Variants in CADPS observed in about 807,000 individuals in gnomAD.
CADPS encodes calcium-dependent secretion activator 1.
In CADPS, 57 loss-of-function variants were observed where a neutral mutation model predicts 167.3. That is an observed-to-expected ratio of 0.34 (90% CI 0.28 to 0.42). CADPS has a LOEUF of 0.42. Ranked by LOEUF, CADPS falls within the 20% of genes least tolerant of loss-of-function variation. CADPS has a pLI of 1.00. For synonymous variants in CADPS, 676 were observed against 635.3 expected (o/e 1.06, Z -0.96); for missense variants, 1,414 against 1,738.1 (o/e 0.81, Z 3.32).
rs1578251730 is a variant in CADPS at position 62,585,428 on chromosome 3, A to C, written c.1438-104T>G. 6 of 1,173,778 alleles carry C rather than the reference A, an allele frequency of 5.1e-6. No homozygotes were observed. The Admixed American group carries it at 1.5e-4, about 30-fold the overall frequency. The allele number at this position is 1,173,778 out of a possible 1,614,324, so 72.7% of individuals were successfully genotyped here. A position where few individuals can be genotyped will look rare whatever the true frequency, so the allele number is the denominator to read the frequency against. On this transcript the variant is annotated intron_variant, in intron 7 of 29. Coordinates refer to ENST00000383710, the MANE Select transcript of CADPS (RefSeq NM_003716.4). Reference sequence around the variant, plus strand: ...TAGTGGAGTGACTTGAACAATTCCCACTGTGGAGCAGCCATACCTGGGGAT... The same window carrying C: ...TAGTGGAGTGACTTGAACAATTCCCCCTGTGGAGCAGCCATACCTGGGGAT...
chr3:62,841,590 G>A (rs1477246908), intron 1 of CADPS, among the ~76,000 whole-genome samples: 1 of 152,174 alleles, frequency 6.6e-6, no homozygotes, highest in Non-Finnish European at 1.5e-5. Flanking sequence ...GGTGGCATGT[G>A]CCTGTAGTCC....
chr3:62,768,429 T>TTAAG (rs201163905), intron 1 of CADPS, among the ~76,000 whole-genome samples: 3,475 of 152,222 alleles, frequency 0.023, 63 homozygotes, highest in South Asian at 0.06. Flanking sequence ...TCTTAAATGA[T>TTAAG]TAATTGAAAT....
chr3:62,604,991 C>A (rs1289115283), intron 6 of CADPS, among the ~76,000 whole-genome samples: 1 of 152,172 alleles, frequency 6.6e-6, no homozygotes, highest in Non-Finnish European at 1.5e-5. Flanking sequence ...ACTTTTGTAA[C>A]CTGAGCTGTT....
intron 26 of CADPS, among the ~76,000 whole-genome samples, chr3:62,457,068 C>T (rs919258934): frequency 6.6e-6 from 1 of 152,158 alleles, no homozygotes; most frequent in Non-Finnish European, 1.5e-5. Context: ...CTCTACCACT[C>T]TTAGTTCAGC....
intron 17 of CADPS, among the ~76,000 whole-genome samples, chr3:62,511,889 C>T (rs11718515): frequency 6.6e-6 from 1 of 152,096 alleles, no homozygotes; most frequent in Non-Finnish European, 1.5e-5. Context: ...AACCATTTGT[C>T]TAATAAATGA....
At chr3:62,687,160 C>A (rs1193931216) in intron 3 of CADPS, among the ~76,000 whole-genome samples, 1 of 152,134 alleles carries the variant, frequency 6.6e-6, no homozygotes, top group East Asian at 1.9e-4. Flanking sequence ...TTGCTTAGAT[C>A]AGGGTTGAGG....
intron 5 of CADPS, among the ~76,000 whole-genome samples, chr3:62,649,543 CTTTTTTTTTTTTTTTT>C (rs369874258): frequency 1.0e-3 from 39 of 37,802 alleles, no homozygotes; most frequent in Admixed American, 7.8e-3. Context: ...AATATGTGGT[CTTTTTTTTTTTTTTTT>C]TTTTTTTTTT....
chr3:62,417,851 A>AC (rs140013352), intron 28 of CADPS, among the ~76,000 whole-genome samples: 32,657 of 151,702 alleles, frequency 0.22, 3,901 homozygotes, highest in Admixed American at 0.3. Flanking sequence ...AAACAAACAA[A>AC]AAAAAACCTA....
intron 1 of CADPS, among the ~76,000 whole-genome samples, chr3:62,853,518 G>A (rs1313157613): frequency 2.0e-5 from 3 of 151,824 alleles, no homozygotes; most frequent in Non-Finnish European, 4.4e-5. Flanking sequence ...CCAGCTACTC[G>A]GGAGGCTGAG....
intron 1 of CADPS, among the ~76,000 whole-genome samples, chr3:62,823,925 G>C: frequency 6.6e-6 from 1 of 152,062 alleles, no homozygotes; most frequent in East Asian, 1.9e-4. Context: ...GACAGCCTAA[G>C]TTAACACGGC....
At chr3:62,480,532 G>T (rs2061872563) in intron 22 of CADPS, among the ~76,000 whole-genome samples, 1 of 152,126 alleles carries the variant, frequency 6.6e-6, no homozygotes, top group Non-Finnish European at 1.5e-5. Context: ...GAAATATCAG[G>T]CAGCTTTGGA....
chr3:62,403,160 A>G lies in CADPS; in HGVS notation c.3803T>C (p.Val1268Ala). The change falls in exon 29 of 30, where the codon GTG (valine) becomes GCG (alanine). Residue 1268 changes from valine to alanine, a missense_variant. Val to Ala is a moderately conservative substitution (Grantham distance 64). Coordinates refer to ENST00000383710, the MANE Select transcript of CADPS (RefSeq NM_003716.4). ...CCGGTCCGTCAACCAGGTGCAGATCACGTTCATGGAGCTGTTGTACCATTG... is the reference window on the plus strand; with the variant it reads ...CCGGTCCGTCAACCAGGTGCAGATCGCGTTCATGGAGCTGTTGTACCATTG... ...FDQWYNSSMNVICTWLTDRMD... is the reference protein window; with the variant it reads ...FDQWYNSSMNAICTWLTDRMD... The G allele has an allele frequency of 6.2e-7, 1 of 1,613,338 alleles. No individual in the cohort carries two copies. The highest frequency in any genetic ancestry group is 1.1e-5 in the South Asian group (1 of 91,028).
At chr3:62,515,982 T>C (rs1426411135) in intron 16 of CADPS, 77 bp downstream of exon 16, 2 of 1,572,846 alleles carry the variant, frequency 1.3e-6, no homozygotes, top group South Asian at 1.1e-5. Context: ...TCAGGTGCCC[T>C]TGAGAAAAGA....
chr3:62,725,368 G>C (rs2076551388), intron 3 of CADPS, among the ~76,000 whole-genome samples: 1 of 152,174 alleles, frequency 6.6e-6, no homozygotes, highest in Non-Finnish European at 1.5e-5. Flanking sequence ...GACAGTGCAG[G>C]TTTAGACATT....
In CADPS at chr3:62,433,499, C is replaced by T. The variant is rs1294271844; in HGVS notation, c.3777+4605G>A. 2.0e-5 allele frequency among the ~76,000 whole-genome samples: 3 copies of T among 152,236 alleles called. No homozygotes were observed. Among genetic ancestry groups the T allele is most frequent in the African/African-American group, 4.8e-5 (2 of 41,556 alleles). ...AGAGTCAATCTGCAAATACTTAATC[C>T]TCCAGAAGGCAGATTAAGTGTATAA... On this transcript the variant is annotated intron_variant, in intron 28 of 29. Coordinates refer to ENST00000383710, the MANE Select transcript of CADPS (RefSeq NM_003716.4). This position sits in a 1 kb window ranked among gnomAD's most constrained non-coding sequence, Gnocchi z 4.7.
At chr3:62,766,980 A>T (rs1387174420) in intron 1 of CADPS, among the ~76,000 whole-genome samples, 1 of 152,168 alleles carries the variant, frequency 6.6e-6, no homozygotes, top group Non-Finnish European at 1.5e-5. Flanking sequence ...TATATGTGCC[A>T]GACACTCAGG....
At chr3:62,520,888 TTTC>T (rs2070376509) in intron 13 of CADPS, among the ~76,000 whole-genome samples, 1 of 152,244 alleles carries the variant, frequency 6.6e-6, no homozygotes, top group African/African-American at 2.4e-5. Flanking sequence ...CAAACATCAA[TTTC>T]TTGTTCATCG....
rs2061543643 is a variant in CADPS, at chr3:62,478,076, C to T, written c.3329+185G>A. Reference sequence around the variant, plus strand: ...CAGCCAGATTATTTTGGGTTTGGGACAGATGGAGGGCAGGTGAATGGAAGT... The same window carrying T: ...CAGCCAGATTATTTTGGGTTTGGGATAGATGGAGGGCAGGTGAATGGAAGT... On this transcript the variant is annotated intron_variant, in intron 23 of 29. Transcript: ENST00000383710. This position sits in a 1 kb window ranked among gnomAD's most constrained non-coding sequence, Gnocchi z 5.7. The T allele has an allele frequency of 3.3e-6, 2 of 601,514 alleles. No homozygotes were observed. The highest frequency in any genetic ancestry group is 5.4e-5 in the South Asian group (2 of 36,858). The allele number at this position is 601,514 out of a possible 1,614,324, so 37.3% of individuals were successfully genotyped here.
chr3:62,643,172 C>T (rs965032676), intron 6 of CADPS, among the ~76,000 whole-genome samples: 10 of 152,182 alleles, frequency 6.6e-5, no homozygotes, highest in African/African-American at 2.4e-4. Flanking sequence ...TCAAGCTCCA[C>T]GTATATCCCT....
Sources: gnomAD v4.1 joint callset for allele counts (sites outside exome capture counted in the v4.1 genomes callset) on GRCh38, gnomAD v4.1.1 for gene constraint, Gnocchi (gnomAD v3.1) non-coding constraint, MANE v1.5 for transcripts, NCBI Gene and HGNC (gene_info 2026-07-23, HGNC 2026-07-21) for gene names.